NMT1: variants seen among roughly 807,000 people sequenced by gnomAD.
NMT1 encodes the protein glycylpeptide N-tetradecanoyltransferase 1.
In NMT1, 12 loss-of-function variants were observed where a neutral mutation model predicts 63.4. That is an observed-to-expected ratio of 0.19 (90% confidence interval 0.12 to 0.31). NMT1 has a LOEUF of 0.31. Ranked by LOEUF, NMT1 falls within the 10% of genes least tolerant of loss-of-function variation. The pLI is 1.00. For synonymous variants in NMT1, 228 were observed against 234.3 expected, an observed-to-expected ratio of 0.97 and a Z score of 0.25; for missense variants, 432 against 634.6, an observed-to-expected ratio of 0.68 and a Z score of 3.43.
At position 45,105,965 on chromosome 17, in the gene NMT1, A is replaced by G. The variant is rs1430514004; in HGVS notation, c.*326A>G. ...TAACGGGTGAATAATAAAAGTATAT[A>G]TATATATTATATATATATAAATATT... On this transcript the variant is annotated 3_prime_UTR_variant, in exon 12 of 12. Transcript: ENST00000258960. This position sits in a 1 kb window ranked among gnomAD's most constrained non-coding sequence, Gnocchi z 4.2. The G allele has an allele frequency of 4.7e-5, 7 of 149,966 alleles. 1 individual carries two copies. The highest frequency in any genetic ancestry group is 4.0e-4 in the Admixed American group (6 of 14,874). The allele number at this position is 149,966 out of a possible 1,614,324, so 9.3% of individuals were successfully genotyped here. A position where few individuals can be genotyped will look rare whatever the true frequency, so the allele number is the denominator to read the frequency against.
At chr17:45,079,031 A>G (rs766851108) in intron 1 of NMT1, among the ~76,000 whole-genome samples, 2 of 152,032 alleles carry the variant, frequency 1.3e-5, no homozygotes, top group African/African-American at 4.8e-5. Context: ...AGCTGATTCT[A>G]CAGATTAGGA....
Position 45,093,706 on chromosome 17 carries a change from G to T in NMT1, c.407G>T (p.Gly136Val). ...TCAGGCGAAGTGGTGAACACCCATG[G>T]CCCCGTGGAGCCTGACAAGGACAAT... is the stretch of plus-strand genomic sequence containing the variant. ...PKLGEVVNTHGPVEPDKDNIR... is the reference protein window; with the variant it reads ...PKLGEVVNTHVPVEPDKDNIR... The change falls in exon 4 of 12, where the codon GGC (glycine) becomes GTC (valine). Residue 136 changes from glycine to valine, a missense_variant. By Grantham distance (109) the Gly-to-Val change is moderately radical. This residue lies in a region of NMT1 where 295 missense variants were observed against 489.7 expected (regional missense o/e 0.60). Transcript: ENST00000258960. 6.2e-7 allele frequency: 1 copy of T among 1,614,198 alleles called. No individual in the cohort carries two copies. Among genetic ancestry groups the T allele is most frequent in the Non-Finnish European group, 8.5e-7 (1 of 1,180,020 alleles).
chr17:45,073,066 T>C (rs1282739996), intron 1 of NMT1, among the ~76,000 whole-genome samples: 1 of 152,092 alleles, frequency 6.6e-6, no homozygotes, highest in Non-Finnish European at 1.5e-5. Context: ...GTCAAGCATA[T>C]AATTGTTGAA....
chr17:45,088,140 C>T (rs965734296), intron 3 of NMT1, among the ~76,000 whole-genome samples: 2 of 152,190 alleles, frequency 1.3e-5, no homozygotes, highest in Non-Finnish European at 2.9e-5. Flanking sequence ...AAGAGGGGTG[C>T]TGATTCCCCC....
rs2054213337 is a variant in NMT1 at position 45,107,962 on chromosome 17, G to C, written c.*2323G>C. On this transcript the variant is annotated 3_prime_UTR_variant, in exon 12 of 12. Transcript: ENST00000258960. Reference sequence around the variant, plus strand: ...CTTGTGGGCTGCTTGCTGCTCATCTGATTTTTGTCCCAGTAGTCCCTGCGT... The same window carrying C: ...CTTGTGGGCTGCTTGCTGCTCATCTCATTTTTGTCCCAGTAGTCCCTGCGT... The C allele has an allele frequency of 6.6e-6, 1 of 152,340 alleles. No individual in the cohort carries two copies. The highest frequency in any genetic ancestry group is 6.5e-5 in the Admixed American group (1 of 15,284). The allele number at this position is 152,340 out of a possible 1,614,324, so 9.4% of individuals were successfully genotyped here.
chr17:45,102,933 C>T lies in NMT1; in HGVS notation c.994-18C>T, dbSNP rs1257884335. 6.2e-7 allele frequency: 1 copy of T among 1,600,906 alleles called. No homozygotes were observed. The highest frequency in any genetic ancestry group is 1.1e-5 in the South Asian group (1 of 90,030). Reference sequence around the variant, plus strand: ...GTGATCAGCTCATCTCACTCCATCTCTTCTGTCTTGCCTCCAGACTCCCAA... The same window carrying T: ...GTGATCAGCTCATCTCACTCCATCTTTTCTGTCTTGCCTCCAGACTCCCAA... On this transcript the variant is annotated intron_variant, in intron 8 of 11. Coordinates refer to ENST00000258960, the MANE Select transcript of NMT1 (RefSeq NM_021079.5).
chr17:45,084,350 T>TG (rs2054037458), intron 2 of NMT1, among the ~76,000 whole-genome samples: 1 of 151,284 alleles, frequency 6.6e-6, no homozygotes, highest in East Asian at 1.9e-4. Context: ...TTTTTTTTTT[T>TG]GCGAGACGGA....
rs924952700 is a variant in NMT1 at position 45,103,319 on chromosome 17, C to A, written c.1164+198C>A. On this transcript the variant is annotated intron_variant, in intron 9 of 11. Transcript: ENST00000258960. This position sits in a 1 kb window ranked among gnomAD's most constrained non-coding sequence, Gnocchi z 4.8. ...TGGATCTGGCTTGAGCCCTTCTCCC[C>A]CTCTGCCCCACTTTGATAACACAAA... Among the ~76,000 whole-genome samples, 1 of 152,200 alleles carries A rather than the reference C, an allele frequency of 6.6e-6. No homozygotes were observed. Among genetic ancestry groups the A allele is most frequent in the Non-Finnish European group, 1.5e-5 (1 of 68,038 alleles).
chr17:45,089,943 C>T (rs1397569631), intron 3 of NMT1, among the ~76,000 whole-genome samples: 1 of 152,006 alleles, frequency 6.6e-6, no homozygotes, highest in Admixed American at 6.6e-5. Flanking sequence ...TGACTGAGAC[C>T]TGCAATTCTT....
At chr17:45,065,412 C>G (rs776452387) in intron 1 of NMT1, among the ~76,000 whole-genome samples, 8 of 152,052 alleles carry the variant, frequency 5.3e-5, no homozygotes, top group Non-Finnish European at 1.0e-4. Flanking sequence ...ATCATGAGGT[C>G]AGGAGATCGA....
chr17:45,103,716 A>AC lies in NMT1; in HGVS notation c.1173dup (p.Gly392ArgfsTer57). 6.2e-7 allele frequency: 1 copy of AC among 1,612,604 alleles called. No individual in the cohort carries two copies. Among genetic ancestry groups the AC allele is most frequent in the Non-Finnish European group, 8.5e-7 (1 of 1,179,140 alleles). On this transcript the variant is annotated frameshift_variant, in exon 10 of 12. Coordinates refer to ENST00000258960, the MANE Select transcript of NMT1 (RefSeq NM_021079.5). LOFTEE classifies it high-confidence loss of function. The surrounding 1 kb of genome is among the most constrained non-coding windows in gnomAD (Gnocchi z 4.8). ...TTATTGCCTTCCCTTCAGAACGCAAACGGAGAGGTGACAGATTTCCTGAGC... is the reference window on the plus strand; with the variant it reads ...TTATTGCCTTCCCTTCAGAACGCAAACCGGAGAGGTGACAGATTTCCTGAGC...
intron 1 of NMT1, among the ~76,000 whole-genome samples, chr17:45,068,161 G>C (rs1271531163): frequency 6.6e-6 from 1 of 152,156 alleles, no homozygotes; most frequent in Non-Finnish European, 1.5e-5. Context: ...TCTATTGAGA[G>C]CGCCAAAAAT....
At chr17:45,090,313 A>G (rs779418564) in intron 3 of NMT1, among the ~76,000 whole-genome samples, 3 of 152,112 alleles carry the variant, frequency 2.0e-5, no homozygotes, top group Non-Finnish European at 4.4e-5. Context: ...AATAAAAATG[A>G]AAGGCCTTCT....
chr17:45,071,874 C>T (rs926448312), intron 1 of NMT1, among the ~76,000 whole-genome samples: 1 of 152,174 alleles, frequency 6.6e-6, no homozygotes, highest in Admixed American at 6.6e-5. Flanking sequence ...GCTGGGACTA[C>T]AAGTTCACAC....
intron 3 of NMT1, among the ~76,000 whole-genome samples, chr17:45,088,764 T>TAAAAA (rs368660508): frequency 2.7e-5 from 4 of 147,786 alleles, no homozygotes; most frequent in Non-Finnish European, 4.5e-5. Flanking sequence ...AAAAATGAAT[T>TAAAAA]TAAAAAAAAA....
intron 4 of NMT1, among the ~76,000 whole-genome samples, chr17:45,095,220 C>A (rs1463428534): frequency 6.6e-6 from 1 of 151,934 alleles, no homozygotes; most frequent in Non-Finnish European, 1.5e-5. Context: ...AATTCTCCTG[C>A]CTCAGCCTCC....
At chr17:45,068,090 C>T (rs1490626578) in intron 1 of NMT1, among the ~76,000 whole-genome samples, 1 of 152,186 alleles carries the variant, frequency 6.6e-6, no homozygotes, top group Non-Finnish European at 1.5e-5. Context: ...GCCTCTCTTC[C>T]AATTCCTCAA....
At chr17:45,076,557 C>T (rs1036167014) in intron 1 of NMT1, among the ~76,000 whole-genome samples, 3 of 151,646 alleles carry the variant, frequency 2.0e-5, no homozygotes, top group Admixed American at 1.3e-4. Context: ...TGAGACCAGA[C>T]TGACCAACTT....
At position 45,061,457 on chromosome 17, in the gene NMT1, G is replaced by T; in HGVS notation, c.128G>T (p.Arg43Leu). The T allele has an allele frequency of 1.2e-6, 2 of 1,611,816 alleles. No individual in the cohort carries two copies. The highest frequency in any genetic ancestry group is 1.7e-6 in the Non-Finnish European group (2 of 1,179,058). The change falls in exon 1 of 12, where the codon CGG (arginine) becomes CTG (leucine). Residue 43 changes from arginine to leucine, a missense_variant. Around this residue, in one of 4 missense-constraint regions of NMT1, gnomAD observed 121 missense variants for 103.7 expected, o/e 1.17. Transcript: ENST00000258960. ...AATGAGGAGGACAACAGCTACAACC[G>T]GGGGTAACGAAATCCTCGGAGTCCA... ...CENEEDNSYN[R>L]GGLSPANDTG...
Sources: gnomAD v4.1 joint callset for allele counts (sites outside exome capture counted in the v4.1 genomes callset) on GRCh38, gnomAD v4.1.1 for gene constraint, gnomAD v4.1.1 regional missense constraint, Gnocchi (gnomAD v3.1) non-coding constraint, MANE v1.5 for transcripts, NCBI Gene and HGNC (gene_info 2026-07-23, HGNC 2026-07-21) for gene names.